Variants in CFAP97 observed in about 807,000 individuals in gnomAD.
The protein encoded by CFAP97 is cilia and flagella associated protein 97.
Under a neutral mutation model 43.1 loss-of-function variants are expected in CFAP97, and 36 were observed. The ratio of observed to expected loss-of-function variants is 0.84; its 90% CI spans 0.64 to 1.10. CFAP97 has a LOEUF of 1.10. Ranked by LOEUF, CFAP97 falls within the 50% of genes least tolerant of loss-of-function variation. CFAP97 has a pLI of 0.00. For synonymous variants in CFAP97, 228 were observed against 225.7 expected, an observed-to-expected ratio of 1.01 and a Z score of -0.09; for missense variants, 657 against 620.3, an observed-to-expected ratio of 1.06 and a Z score of -0.63.
chr4:185,166,285 T>C (rs1735069673), intron 3 of CFAP97, among the ~76,000 whole-genome samples: 1 of 152,164 alleles, frequency 6.6e-6, no homozygotes, highest in South Asian at 2.1e-4. Context: ...CCTGAAATCA[T>C]ATCTTCTCTA....
chr4:185,199,994 T>C (rs559407293), intron 1 of CFAP97, among the ~76,000 whole-genome samples: 1 of 152,354 alleles, frequency 6.6e-6, no homozygotes, highest in South Asian at 2.1e-4. Flanking sequence ...TTTCAAGAAA[T>C]ACATTTTGTA....
intron 2 of CFAP97, among the ~76,000 whole-genome samples, chr4:185,183,092 T>C (rs981649760): frequency 6.6e-6 from 1 of 150,486 alleles, no homozygotes; most frequent in African/African-American, 2.5e-5. Context: ...AGAGCAAGAC[T>C]CCGTCTCAAA....
chr4:185,199,863 A>G (rs1330730139), intron 1 of CFAP97, among the ~76,000 whole-genome samples: 1 of 122,404 alleles, frequency 8.2e-6, no homozygotes, highest in Non-Finnish European at 2.0e-5. Flanking sequence ...GCTCATTGAC[A>G]ATGTACCTGG....
intron 4 of CFAP97, 122 bp from the exon 5 acceptor site, chr4:185,163,047 A>T (rs1184805575): frequency 1.3e-6 from 1 of 750,200 alleles, no homozygotes; most frequent in African/African-American, 1.8e-5. Flanking sequence ...ACTAGGATGC[A>T]CTTCAGAATT....
intron 1 of CFAP97, among the ~76,000 whole-genome samples, chr4:185,191,602 C>G (rs1286339198): frequency 6.6e-6 from 1 of 152,164 alleles, no homozygotes; most frequent in Non-Finnish European, 1.5e-5. Context: ...GAGGCCGAGG[C>G]GAGTGGACCA....
chr4:185,174,665 T>G (rs569737945), intron 3 of CFAP97, among the ~76,000 whole-genome samples: 6 of 152,352 alleles, frequency 3.9e-5, no homozygotes, highest in African/African-American at 1.2e-4. Flanking sequence ...TTTAAGAGAC[T>G]ACCCAGGTTT....
In CFAP97 at chr4:185,175,800, C is replaced by G; in HGVS notation, c.1306G>C (p.Glu436Gln). The change falls in exon 3 of 5, where the codon GAG becomes CAG. Residue 436 changes from glutamate to glutamine, a missense_variant. Glu to Gln is a conservative substitution (Grantham distance 29, BLOSUM62 2). Coordinates refer to ENST00000458385, the MANE Select transcript of CFAP97 (RefSeq NM_020827.3). ...LNRQKEQQRI[E>Q]RENLALLKRL... ...CAGTTACTTACCAAGTTTTCTCTCT[C>G]AATCCTTTGTTGTTCCTTCTGTCTG... The G allele has an allele frequency of 6.2e-7, 1 of 1,612,530 alleles. No homozygotes were observed. The highest frequency in any genetic ancestry group is 8.5e-7 in the Non-Finnish European group (1 of 1,179,180).
intron 1 of CFAP97, among the ~76,000 whole-genome samples, chr4:185,200,324 C>T (rs1428335470): frequency 6.6e-5 from 10 of 152,242 alleles, no homozygotes; most frequent in East Asian, 3.9e-4. Context: ...AGTGAGATCC[C>T]GTCTCTTAAA....
intron 3 of CFAP97, among the ~76,000 whole-genome samples, chr4:185,175,579 G>T (rs1268056948): frequency 1.3e-5 from 2 of 152,040 alleles, no homozygotes; most frequent in African/African-American, 4.8e-5. Flanking sequence ...TCTGGCCAGT[G>T]GTCTCTTAAT....
In CFAP97 at chr4:185,175,967, G is replaced by T. The variant is rs556874914; in HGVS notation, c.1139C>A (p.Thr380Lys). 1 of 1,613,646 alleles carries T rather than the reference G, an allele frequency of 6.2e-7. No homozygotes were observed. The highest frequency in any genetic ancestry group is 8.5e-7 in the Non-Finnish European group (1 of 1,179,828). ...ATCGATCTGTCTCACCTCTTCTCTTGTGAAAGAGTAGTTTTTCCCGGGTGC... is the reference window on the plus strand; with the variant it reads ...ATCGATCTGTCTCACCTCTTCTCTTTTGAAAGAGTAGTTTTTCCCGGGTGC... ...SVAPGKNYSF[T>K]REEVRQIDRE... is the part of the protein sequence containing the mutation. The change falls in exon 3 of 5, where the codon ACA becomes AAA. Residue 380 changes from threonine to lysine, a missense_variant. Physicochemically the swap from Thr to Lys is moderately conservative, Grantham distance 78. Transcript: ENST00000458385.
intron 4 of CFAP97, among the ~76,000 whole-genome samples, chr4:185,163,771 C>T (rs1233467933): frequency 6.6e-6 from 1 of 152,114 alleles, no homozygotes; most frequent in Non-Finnish European, 1.5e-5. Context: ...TTGAAATTAA[C>T]AGTCCTTCCT....
At position 185,190,385 on chromosome 4, in the gene CFAP97, A is replaced by C. The variant is rs1222624448; in HGVS notation, c.812T>G (p.Leu271Arg). 4.3e-6 allele frequency: 7 copies of C among 1,611,694 alleles called. No homozygotes were observed. The highest frequency in any genetic ancestry group is 5.9e-6 in the Non-Finnish European group (7 of 1,178,586). Residue 271 changes from leucine (L) to arginine (R), a missense_variant, in exon 2 of 5, where the codon CTG (leucine) becomes CGG (arginine). Coordinates refer to ENST00000458385, the MANE Select transcript of CFAP97 (RefSeq NM_020827.3). ...CACTTTTTGATCATTTGCTATGCCC[A>C]GTTCAAAAGACTGAAGAGGGCTAAT... is the stretch of plus-strand genomic sequence containing the variant. ...PDISPLQSFELGIANDQKVKI... is the reference protein window; with the variant it reads ...PDISPLQSFERGIANDQKVKI...
chr4:185,184,098 G>C (rs1352379229), intron 2 of CFAP97, among the ~76,000 whole-genome samples: 1 of 152,184 alleles, frequency 6.6e-6, no homozygotes, highest in Non-Finnish European at 1.5e-5. Context: ...AGTTTACTCA[G>C]TGTCTTGATA....
At chr4:185,208,705 G>A (rs1737317846), upstream of CFAP97, among the ~76,000 whole-genome samples, 1 of 151,656 alleles carries the variant, frequency 6.6e-6, no homozygotes, top group Admixed American at 6.6e-5. Context: ...TCCAGCCTGG[G>A]CAACAGAGAC....
chr4:185,187,183 TATGTATTTCAG>T (rs1192761931), intron 2 of CFAP97, among the ~76,000 whole-genome samples: 18 of 152,336 alleles, frequency 1.2e-4, no homozygotes, highest in African/African-American at 4.1e-4. Flanking sequence ...AGACTTATTC[TATGTATTTCAG>T]ATGGCAAGTT....
intron 3 of CFAP97, among the ~76,000 whole-genome samples, chr4:185,167,904 C>A (rs781392388): frequency 2.0e-5 from 3 of 147,732 alleles, no homozygotes; most frequent in Non-Finnish European, 4.4e-5. Context: ...GAGGCTGAGG[C>A]ATGAGAATCA....
At chr4:185,194,471 A>G (rs2111404133) in intron 1 of CFAP97, among the ~76,000 whole-genome samples, 1 of 152,272 alleles carries the variant, frequency 6.6e-6, no homozygotes, top group East Asian at 1.9e-4. Flanking sequence ...CCTGGGCGAC[A>G]AGAGTGAGAC....
chr4:185,186,318 A>T (rs1372020835), intron 2 of CFAP97, among the ~76,000 whole-genome samples: 1 of 152,130 alleles, frequency 6.6e-6, no homozygotes, highest in Non-Finnish European at 1.5e-5. Context: ...CTGTAATCCC[A>T]GCTACTCAGG....
rs184255746 is a variant in CFAP97, at chr4:185,164,299, T to A, written c.1321-120A>T. The A allele has an allele frequency of 3.2e-4, 318 of 1,005,444 alleles. 1 individual carries two copies. In the African/African-American group the frequency reaches 4.5e-3, roughly 14 times the overall value. The allele number at this position is 1,005,444 out of a possible 1,614,324, so 62.3% of individuals were successfully genotyped here. On this transcript the variant is annotated intron_variant, in intron 3 of 4. Coordinates refer to ENST00000458385, the MANE Select transcript of CFAP97 (RefSeq NM_020827.3). ...TTTTTTTTTTTAAGAGACAAGATCT[T>A]ACTCTGTCACTCAGGCTGGCCTGGA...
Sources: gnomAD v4.1 joint callset for allele counts (sites outside exome capture counted in the v4.1 genomes callset) on GRCh38, gnomAD v4.1.1 for gene constraint, MANE v1.5 for transcripts, NCBI Gene and HGNC (gene_info 2026-07-23, HGNC 2026-07-21) for gene names.